MAN2A1: variants seen among roughly 807,000 people sequenced by gnomAD.
The protein encoded by MAN2A1 is mannosidase alpha class 2A member 1.
MAN2A1 carries 76 observed loss-of-function variants against 142.6 expected under a neutral mutation model. That is an observed-to-expected ratio of 0.53 (90% confidence interval 0.44 to 0.65). The LOEUF is 0.65. Ranked by LOEUF, MAN2A1 falls within the 30% of genes least tolerant of loss-of-function variation. The probability of loss-of-function intolerance (pLI) is 0.00; values close to 1 mark genes in which losing one functional copy is unlikely to be tolerated. For missense variants in MAN2A1, 1,311 were observed against 1,365.1 expected (o/e 0.96, Z 0.62); for synonymous variants, 559 against 473.2 (o/e 1.18, Z -2.35).
At chr5:109,768,043 C>T (rs1753041000) in intron 6 of MAN2A1, among the ~76,000 whole-genome samples, 2 of 152,154 alleles carry the variant, frequency 1.3e-5, no homozygotes, top group Admixed American at 1.3e-4. Flanking sequence ...AACTGATATC[C>T]AGTCATATAT....
chr5:109,784,962 T>A (rs1753559331), intron 10 of MAN2A1, 36 bp downstream of exon 10: 1 of 1,462,010 alleles, frequency 6.8e-7, no homozygotes, highest in Non-Finnish European at 9.3e-7. Flanking sequence ...TTTAAAAAAA[T>A]CATTAAAATT....
chr5:109,786,036 A>G (rs1753588024), intron 10 of MAN2A1, among the ~76,000 whole-genome samples: 1 of 152,110 alleles, frequency 6.6e-6, no homozygotes, highest in African/African-American at 2.4e-5. Context: ...TTGGGGGAAA[A>G]AGATATTCTT....
At chr5:109,796,455 CAACTTTAACTCTTTCT>C (rs1753864608) in intron 12 of MAN2A1, among the ~76,000 whole-genome samples, 2 of 152,168 alleles carry the variant, frequency 1.3e-5, no homozygotes, top group Admixed American at 1.3e-4. Context: ...ATTTTCAGCT[CAACTTTAACTCTTTCT>C]GTTAATAGAT....
chr5:109,713,576 G>GAATA lies in MAN2A1; in HGVS notation c.194_197dup (p.Asn66LysfsTer2). 6.2e-7 allele frequency: 1 copy of GAATA among 1,613,934 alleles called. No individual in the cohort carries two copies. Among genetic ancestry groups the GAATA allele is most frequent in the Non-Finnish European group, 8.5e-7 (1 of 1,179,830 alleles). On this transcript the variant is annotated frameshift_variant, in exon 2 of 22. Coordinates refer to ENST00000261483, the MANE Select transcript of MAN2A1 (RefSeq NM_002372.4). LOFTEE classifies it high-confidence loss of function. The stretch of plus-strand genomic sequence containing the variant: ...ACCATTTGGAGCGTTTGCTAGCTGA[G>GAATA]AATAATGAGATCATCTCAAATATTA...
Position 109,713,925 on chromosome 5 carries a change from A to C in MAN2A1, c.390+151A>C. 6.0e-6 allele frequency: 4 copies of C among 661,654 alleles called. No individual in the cohort carries two copies. In the South Asian group the frequency reaches 9.1e-5, roughly 15 times the overall value. The allele number at this position is 661,654 out of a possible 1,614,324, so 41.0% of individuals were successfully genotyped here. On this transcript the variant is annotated intron_variant, in intron 2 of 21. Coordinates refer to ENST00000261483, the MANE Select transcript of MAN2A1 (RefSeq NM_002372.4). ...TAAAGTATTTTGATTAGTCACATGA[A>C]CATTAATGTTCTGTTTAGTGATAAA...
intron 12 of MAN2A1, among the ~76,000 whole-genome samples, chr5:109,790,442 A>G (rs1291444913): frequency 1.3e-5 from 2 of 151,944 alleles, no homozygotes; most frequent in East Asian, 3.9e-4. Flanking sequence ...CATAAGGTGT[A>G]TACAGCTTAT....
intron 9 of MAN2A1, among the ~76,000 whole-genome samples, chr5:109,783,339 A>G (rs947802619): frequency 2.0e-5 from 3 of 152,184 alleles, no homozygotes; most frequent in African/African-American, 7.2e-5. Flanking sequence ...CAAAATGTGG[A>G]TAAAATATAA....
chr5:109,798,359 C>T (rs1019570063), intron 12 of MAN2A1, among the ~76,000 whole-genome samples: 1 of 152,216 alleles, frequency 6.6e-6, no homozygotes, highest in African/African-American at 2.4e-5. Context: ...AAACATCTGT[C>T]TCTGCTGAGA....
Position 109,847,693 on chromosome 5 carries a change from A to G in MAN2A1, c.2879A>G (p.Gln960Arg). 6.3e-7 allele frequency: 1 copy of G among 1,596,554 alleles called. No homozygotes were observed. Among genetic ancestry groups the G allele is most frequent in the Non-Finnish European group, 8.5e-7 (1 of 1,171,850 alleles). Residue 960 changes from glutamine (Q) to arginine (R), a missense_variant, in exon 19 of 22, where the codon CAA becomes CGA. Physicochemically the swap from Gln to Arg is conservative, Grantham distance 43. Transcript: ENST00000261483. ...IEVIMDRRLM[Q>R]DDNRGLEQGI... Reference sequence around the variant, plus strand: ...GTTATCATGGATCGAAGACTCATGCAAGATGATAATCGTGGCCTTGAGCAA... The same window carrying G: ...GTTATCATGGATCGAAGACTCATGCGAGATGATAATCGTGGCCTTGAGCAA...
At position 109,690,443 on chromosome 5, in the gene MAN2A1, T is replaced by C. The variant is rs1750632210; in HGVS notation, c.26T>C (p.Val9Ala). 2 of 1,614,068 alleles carry C rather than the reference T, an allele frequency of 1.2e-6. No homozygotes were observed. Among genetic ancestry groups the C allele is most frequent in the Non-Finnish European group, 1.7e-6 (2 of 1,179,926 alleles). MKLSRQFTVFGSAIFCVVI... is the reference protein window; with the variant it reads MKLSRQFTAFGSAIFCVVI... ...ATGAAGTTAAGCCGCCAGTTCACCG[T>C]GTTCGGCAGTGCGATCTTCTGTGTG... is the stretch of plus-strand genomic sequence containing the variant. Residue 9 changes from valine (V) to alanine (A), a missense_variant, in exon 1 of 22, where the codon GTG (valine) becomes GCG (alanine). Physicochemically the swap from Val to Ala is moderately conservative, Grantham distance 64. Around this residue, in one of 3 missense-constraint regions of MAN2A1, gnomAD observed 409 missense variants for 412.7 expected, o/e 0.99. Transcript: ENST00000261483.
At position 109,690,474 on chromosome 5, in the gene MAN2A1, T is replaced by C; in HGVS notation, c.57T>C (p.Ile19=). The change falls in exon 1 of 22, where the codon ATT becomes ATC. Residue 19 remains isoleucine, a synonymous_variant. Transcript: ENST00000261483. ...GCAGTGCGATCTTCTGTGTGGTGAT[T>C]TTCTCGCTCTACCTGATGCTGGACC... ...VFGSAIFCVV[I]FSLYLMLDRG... 1 of 1,613,988 alleles carries C rather than the reference T, an allele frequency of 6.2e-7. No homozygotes were observed. The highest frequency in any genetic ancestry group is 2.2e-5 in the East Asian group (1 of 44,836).
At chr5:109,699,525 T>G (rs1268500300) in intron 1 of MAN2A1, 1 of 152,244 alleles carries the variant, frequency 6.6e-6, no homozygotes, top group Non-Finnish European at 1.5e-5. Flanking sequence ...TTAATTAGCT[T>G]GATTTAGCAT....
At chr5:109,720,790 A>C (rs1006023534) in intron 3 of MAN2A1, among the ~76,000 whole-genome samples, 2 of 152,244 alleles carry the variant, frequency 1.3e-5, no homozygotes, top group Admixed American at 6.5e-5. Flanking sequence ...CAGGTTGGAC[A>C]AACTTGATGA....
intron 10 of MAN2A1, among the ~76,000 whole-genome samples, chr5:109,788,159 A>G (rs192922727): frequency 1.4e-3 from 206 of 151,610 alleles, no homozygotes; most frequent in African/African-American, 4.6e-3. Context: ...TACTTCTCCA[A>G]TATGAATTTG....
At chr5:109,857,833 C>T (rs992150581) in intron 20 of MAN2A1, among the ~76,000 whole-genome samples, 3 of 152,316 alleles carry the variant, frequency 2.0e-5, no homozygotes, top group Non-Finnish European at 2.9e-5. Context: ...CCTGGCTTCC[C>T]GTTGCTCTTC....
At chr5:109,771,218 T>C (rs903464341) in intron 7 of MAN2A1, among the ~76,000 whole-genome samples, 4 of 152,180 alleles carry the variant, frequency 2.6e-5, no homozygotes, top group Non-Finnish European at 5.9e-5. Flanking sequence ...CACTTAAAAA[T>C]TAGTAGTGTA....
At chr5:109,769,140 G>A (rs1369122217) in intron 6 of MAN2A1, among the ~76,000 whole-genome samples, 1 of 152,164 alleles carries the variant, frequency 6.6e-6, no homozygotes, top group South Asian at 2.1e-4. Context: ...ACAACCTTTT[G>A]TGGCGACTAT....
intron 20 of MAN2A1, chr5:109,862,491 G>A (rs918535511): frequency 1.3e-5 from 2 of 152,142 alleles, no homozygotes; most frequent in Admixed American, 1.3e-4. Flanking sequence ...CACAGTGCTT[G>A]GCACAATTTC....
chr5:109,776,661 C>T (rs1753301460), intron 8 of MAN2A1, among the ~76,000 whole-genome samples: 1 of 152,046 alleles, frequency 6.6e-6, no homozygotes, highest in South Asian at 2.1e-4. Context: ...CATAAGTGTG[C>T]ATAGAATTTT....
Sources: gnomAD v4.1 joint callset for allele counts (sites outside exome capture counted in the v4.1 genomes callset) on GRCh38, gnomAD v4.1.1 for gene constraint, gnomAD v4.1.1 regional missense constraint, MANE v1.5 for transcripts, NCBI Gene and HGNC (gene_info 2026-07-23, HGNC 2026-07-21) for gene names.